ANKRD44: variants seen among roughly 807,000 people sequenced by gnomAD.
The protein encoded by ANKRD44 is serine/threonine-protein phosphatase 6 regulatory ankyrin repeat subunit B.
ANKRD44 carries 35 observed loss-of-function variants against 116.0 expected under a neutral mutation model. That is an observed-to-expected ratio of 0.30 (90% CI 0.23 to 0.40). ANKRD44 has a LOEUF of 0.40. ANKRD44 is among the 10% of genes least tolerant of loss of function. The pLI is 1.00. For synonymous variants in ANKRD44, 435 were observed against 461.8 expected, an observed-to-expected ratio of 0.94 and a Z score of 0.74; for missense variants, 1,014 against 1,242.6, an observed-to-expected ratio of 0.82 and a Z score of 2.77.
At chr2:197,281,147 G>A (rs73988421) in intron 1 of ANKRD44, among the ~76,000 whole-genome samples, 10,928 of 152,030 alleles carry the variant, frequency 0.072, 1,016 homozygotes, top group African/African-American at 0.22. Flanking sequence ...AGTGAGTTCT[G>A]TCTATTAATG....
At chr2:197,230,618 A>G (rs1165298962) in intron 1 of ANKRD44, among the ~76,000 whole-genome samples, 3 of 152,188 alleles carry the variant, frequency 2.0e-5, no homozygotes, top group Admixed American at 2.0e-4. Context: ...GGGAAAAGGG[A>G]GCAGGAGAGA....
chr2:197,297,497 C>G (rs2083757814), intron 1 of ANKRD44, among the ~76,000 whole-genome samples: 1 of 152,164 alleles, frequency 6.6e-6, no homozygotes, highest in African/African-American at 2.4e-5. Context: ...AACCAAGGAC[C>G]ACCTGCTATA....
At chr2:197,169,136 T>C (rs2080167990) in intron 2 of ANKRD44, among the ~76,000 whole-genome samples, 1 of 152,084 alleles carries the variant, frequency 6.6e-6, no homozygotes, top group Admixed American at 6.5e-5. Flanking sequence ...GCCTTAATTT[T>C]CTTCTGGGAA....
chr2:197,112,520 T>C (rs982848009), intron 8 of ANKRD44, among the ~76,000 whole-genome samples: 2 of 151,896 alleles, frequency 1.3e-5, no homozygotes, highest in Non-Finnish European at 2.9e-5. Context: ...CCATCTTGGC[T>C]AGCACGGTGA....
intron 4 of ANKRD44, among the ~76,000 whole-genome samples, chr2:197,133,047 A>G (rs2079128793): frequency 6.6e-6 from 1 of 152,334 alleles, no homozygotes; most frequent in East Asian, 1.9e-4. Flanking sequence ...TGGAAGGCAT[A>G]AGTGAAACTA....
chr2:197,270,724 G>T (rs1230112929), intron 1 of ANKRD44, among the ~76,000 whole-genome samples: 1 of 152,212 alleles, frequency 6.6e-6, no homozygotes, highest in Non-Finnish European at 1.5e-5. Context: ...GGAAGCTGTA[G>T]CACTGGAGCT....
intron 1 of ANKRD44, among the ~76,000 whole-genome samples, chr2:197,303,902 T>C (rs918977217): frequency 6.6e-6 from 1 of 152,188 alleles, no homozygotes; most frequent in Admixed American, 6.5e-5. Context: ...ACCAACATAT[T>C]TACAAACATA....
At chr2:197,250,258 C>T (rs2082285746) in intron 1 of ANKRD44, among the ~76,000 whole-genome samples, 1 of 152,152 alleles carries the variant, frequency 6.6e-6, no homozygotes, top group Non-Finnish European at 1.5e-5. Flanking sequence ...CACATCATCA[C>T]ACAAGGATGT....
intron 1 of ANKRD44, among the ~76,000 whole-genome samples, chr2:197,247,299 C>T (rs1256960290): frequency 2.0e-5 from 3 of 152,168 alleles, no homozygotes; most frequent in Non-Finnish European, 2.9e-5. Context: ...AGCAAGGCAG[C>T]GCTAACAGAT....
rs530240248 is a variant in ANKRD44, at chr2:197,044,913, C to T, written c.1651-19646G>A. Among the ~76,000 whole-genome samples the T allele has an allele frequency of 2.8e-4, 43 of 151,680 alleles. No homozygotes were observed. The South Asian group carries it at 8.7e-3, about 31-fold the overall frequency. ...TAATTTCCGCATTTATTCATTGTAA[C>T]AGCTTTGAAAAAAGTTTCCAAGTTT... is the stretch of plus-strand genomic sequence containing the variant. On this transcript the variant is annotated intron_variant, in intron 16 of 27. Coordinates refer to ENST00000282272, the MANE Select transcript of ANKRD44 (RefSeq NM_001195144.2).
At chr2:197,081,052 A>C (rs921312477) in intron 15 of ANKRD44, among the ~76,000 whole-genome samples, 8 of 152,216 alleles carry the variant, frequency 5.3e-5, no homozygotes, top group African/African-American at 1.9e-4. Context: ...GTTCCCGTGC[A>C]TCTACAGCCC....
At chr2:197,147,831 G>A (rs746437475) in intron 2 of ANKRD44, 5 of 453,728 alleles carry the variant, frequency 1.1e-5, no homozygotes, top group South Asian at 7.8e-5. Flanking sequence ...AGTGGTCAGT[G>A]AGGCCTTTCT....
chr2:197,031,451 C>T (rs2076705594), intron 16 of ANKRD44, among the ~76,000 whole-genome samples: 1 of 152,204 alleles, frequency 6.6e-6, no homozygotes, highest in Non-Finnish European at 1.5e-5. Flanking sequence ...TAAAGCAATC[C>T]TCTTGCCTCA....
chr2:197,211,325 A>C (rs1449778474), intron 1 of ANKRD44, among the ~76,000 whole-genome samples: 2 of 152,146 alleles, frequency 1.3e-5, no homozygotes. Flanking sequence ...AAGAGATGGC[A>C]AGTAACACAC....
At chr2:197,215,003 G>A (rs997245546) in intron 1 of ANKRD44, among the ~76,000 whole-genome samples, 2 of 151,932 alleles carry the variant, frequency 1.3e-5, no homozygotes, top group Non-Finnish European at 2.9e-5. Flanking sequence ...TCAGCCTCCC[G>A]AGTAGCTGGG....
chr2:197,030,263 C>G (rs2076679567), intron 16 of ANKRD44: 1 of 152,258 alleles, frequency 6.6e-6, no homozygotes, highest in Admixed American at 6.5e-5. Flanking sequence ...AACAAAGAGC[C>G]CTATGCTGCC....
chr2:197,297,249 T>C (rs1489915531), intron 1 of ANKRD44, among the ~76,000 whole-genome samples: 1 of 152,102 alleles, frequency 6.6e-6, no homozygotes, highest in African/African-American at 2.4e-5. Flanking sequence ...AACCAAACAC[T>C]ACAATTCATA....
At chr2:197,299,244 C>G (rs1276595182) in intron 1 of ANKRD44, among the ~76,000 whole-genome samples, 1 of 151,810 alleles carries the variant, frequency 6.6e-6, no homozygotes, top group East Asian at 1.9e-4. Flanking sequence ...CTGTAGGCAT[C>G]CCATAGTCTG....
At chr2:197,204,929 G>C (rs1489056583) in intron 1 of ANKRD44, among the ~76,000 whole-genome samples, 1 of 152,168 alleles carries the variant, frequency 6.6e-6, no homozygotes, top group Non-Finnish European at 1.5e-5. Context: ...AAGCAGAATG[G>C]GGCACAGTCT....
Sources: gnomAD v4.1 joint callset for allele counts (sites outside exome capture counted in the v4.1 genomes callset) on GRCh38, gnomAD v4.1.1 for gene constraint, MANE v1.5 for transcripts, NCBI Gene and HGNC (gene_info 2026-07-23, HGNC 2026-07-21) for gene names.